Variants in BNIP2 observed in about 807,000 individuals in gnomAD.
BNIP2 encodes the protein BCL2/adenovirus E1B 19 kDa protein-interacting protein 2.
Under a neutral mutation model 43.4 loss-of-function variants are expected in BNIP2, and 36 were observed. The ratio of observed to expected loss-of-function variants is 0.83; its 90% CI spans 0.64 to 1.10. BNIP2 has a LOEUF of 1.10. Among genes scored for constraint, BNIP2 ranks in the 50% least tolerant of loss-of-function variants. The pLI is 0.00. For synonymous variants in BNIP2, 146 were observed against 121.0 expected (o/e 1.21, Z -1.35); for missense variants, 417 against 374.1 (o/e 1.11, Z -0.95).
At chr15:59,675,354 T>C (rs184967160) in intron 5 of BNIP2, among the ~76,000 whole-genome samples, 2 of 152,162 alleles carry the variant, frequency 1.3e-5, no homozygotes, top group Non-Finnish European at 2.9e-5. Context: ...CTCATGCCTG[T>C]AATCCCAGCA....
At position 59,682,531 on chromosome 15, in the gene BNIP2, A is replaced by G. The variant is rs779568240; in HGVS notation, c.-57-17T>C. The stretch of plus-strand genomic sequence containing the variant: ...GCCAATGTCCTATGAAGAGAGAAAA[A>G]TGTATAACTTAATTTCCACTTTACT... On this transcript the variant is annotated splice_polypyrimidine_tract_variant and intron_variant, in intron 1 of 9. Coordinates refer to ENST00000607373, the MANE Select transcript of BNIP2 (RefSeq NM_004330.4). 1.3e-6 allele frequency: 2 copies of G among 1,575,942 alleles called. No individual in the cohort carries two copies. The highest frequency in any genetic ancestry group is 2.3e-5 in the South Asian group (2 of 86,308).
chr15:59,685,068 C>G (rs1170510528), intron 1 of BNIP2, among the ~76,000 whole-genome samples: 1 of 152,194 alleles, frequency 6.6e-6, no homozygotes, highest in Non-Finnish European at 1.5e-5. Context: ...CTGTGGGAAA[C>G]TACACACCAG....
intron 1 of BNIP2, among the ~76,000 whole-genome samples, chr15:59,685,013 T>C (rs1406788565): frequency 2.0e-5 from 3 of 152,184 alleles, no homozygotes; most frequent in Non-Finnish European, 4.4e-5. Flanking sequence ...ACTACATGAA[T>C]AGGATTTGTC....
rs930270996 is a variant in BNIP2 at position 59,668,718 on chromosome 15, G to A, written c.893+174C>T. The A allele has an allele frequency of 1.1e-5, 6 of 538,836 alleles. No individual in the cohort carries two copies. The East Asian group carries it at 1.3e-4, about 11-fold the overall frequency. The allele number at this position is 538,836 out of a possible 1,614,324, so 33.4% of individuals were successfully genotyped here. On this transcript the variant is annotated intron_variant, in intron 9 of 9. Transcript: ENST00000607373. Reference sequence around the variant, plus strand: ...CCTGAAGAAAATGCTAACTTAGGGGGATGGTGTGGGAAAATGGCTTCTTCC... The same window carrying A: ...CCTGAAGAAAATGCTAACTTAGGGGAATGGTGTGGGAAAATGGCTTCTTCC...
intron 9 of BNIP2, among the ~76,000 whole-genome samples, chr15:59,666,588 A>T (rs544219191): frequency 1.3e-5 from 2 of 151,982 alleles, no homozygotes; most frequent in South Asian, 4.2e-4. Flanking sequence ...AATCGCTTGA[A>T]CCCGGGAGGC....
At chr15:59,666,414 C>T (rs1228476697) in intron 9 of BNIP2, among the ~76,000 whole-genome samples, 1 of 152,072 alleles carries the variant, frequency 6.6e-6, no homozygotes, top group East Asian at 1.9e-4. Context: ...CGCCTGTAAT[C>T]CCAGCACTTT....
Position 59,663,517 on chromosome 15 carries a change from G to A in BNIP2, c.*552C>T, listed in dbSNP as rs1425768814. 1 of 152,536 alleles carries A rather than the reference G, an allele frequency of 6.6e-6. No homozygotes were observed. Among genetic ancestry groups the A allele is most frequent in the East Asian group, 1.9e-4 (1 of 5,194 alleles). 9.4% of individuals were successfully genotyped at this position (152,536 alleles called of 1,614,324 possible). A position where few individuals can be genotyped will look rare whatever the true frequency, so the allele number is the denominator to read the frequency against. On this transcript the variant is annotated 3_prime_UTR_variant, in exon 10 of 10. Transcript: ENST00000607373. ...CTTCGATTATATACATGATCTTTGG[G>A]TATTCATGACAATCAGTTTAACCAT... is the stretch of plus-strand genomic sequence containing the variant.
chr15:59,682,726 G>A (rs368537126), intron 1 of BNIP2, among the ~76,000 whole-genome samples: 4 of 151,710 alleles, frequency 2.6e-5, no homozygotes, highest in African/African-American at 7.3e-5. Flanking sequence ...ACTGTTTATA[G>A]TAAGGATACT....
intron 5 of BNIP2, among the ~76,000 whole-genome samples, chr15:59,676,155 GA>G (rs1228416676): frequency 1.3e-5 from 2 of 151,964 alleles, no homozygotes; most frequent in Non-Finnish European, 2.9e-5. Flanking sequence ...GGGTAGCCTA[GA>G]GACAGTTTAA....
At chr15:59,678,450 T>C (rs1489020399) in intron 4 of BNIP2, 8 of 1,080,506 alleles carry the variant, frequency 7.4e-6, no homozygotes. Context: ...CAGTTATGAC[T>C]ATAGGTTACT....
At position 59,663,938 on chromosome 15, in the gene BNIP2, C is replaced by A; in HGVS notation, c.*131G>T. The A allele has an allele frequency of 2.8e-6, 2 of 705,720 alleles. No individual in the cohort carries two copies. The highest frequency in any genetic ancestry group is 4.4e-6 in the Non-Finnish European group (2 of 449,556). The allele number at this position is 705,720 out of a possible 1,614,324, so 43.7% of individuals were successfully genotyped here. A position where few individuals can be genotyped will look rare whatever the true frequency, so the allele number is the denominator to read the frequency against. On this transcript the variant is annotated 3_prime_UTR_variant, in exon 10 of 10. Coordinates refer to ENST00000607373, the MANE Select transcript of BNIP2 (RefSeq NM_004330.4). ...CAGTCCCTTGTATAATACAAAAGTCCATTATGAAAAAGTCAAGTCTATTTT... is the reference window on the plus strand; with the variant it reads ...CAGTCCCTTGTATAATACAAAAGTCAATTATGAAAAAGTCAAGTCTATTTT...
intron 9 of BNIP2, 77 bp from the exon 10 acceptor site, chr15:59,664,197 C>A: frequency 1.0e-6 from 1 of 959,064 alleles, no homozygotes; most frequent in South Asian, 1.7e-5. Context: ...ACTATTTTAG[C>A]ATAGAATATT....
chr15:59,680,372 T>G, intron 2 of BNIP2, 64 bp from the exon 3 acceptor site: 1 of 1,227,434 alleles, frequency 8.1e-7, no homozygotes, highest in Non-Finnish European at 1.1e-6. Context: ...TGAAGTTCAA[T>G]CTATTAAACA....
chr15:59,668,815 G>T (rs558459526), intron 9 of BNIP2, 77 bp downstream of exon 9: 2 of 1,196,822 alleles, frequency 1.7e-6, no homozygotes, highest in Non-Finnish European at 2.4e-6. Flanking sequence ...CATAAAGAAT[G>T]AGTATTGAAA....
At position 59,671,302 on chromosome 15, in the gene BNIP2, G is replaced by T. The variant is rs1376782941; in HGVS notation, c.588C>A (p.Gly196=). The T allele has an allele frequency of 6.3e-7, 1 of 1,588,462 alleles. No homozygotes were observed. The highest frequency in any genetic ancestry group is 1.3e-5 in the African/African-American group (1 of 74,588). The part of the protein sequence containing the change: ...LMDNLFKYVI[G]TLELLVAENY... ...TTTCTGCTACTAATAGCTCCAAAGTGCCAATAACATATCTGTAAAAAACAA... is the reference window on the plus strand; with the variant it reads ...TTTCTGCTACTAATAGCTCCAAAGTTCCAATAACATATCTGTAAAAAACAA... The change falls in exon 7 of 10, where the codon GGC becomes GGA. Residue 196 remains glycine (G), a synonymous_variant. Transcript: ENST00000607373.
intron 1 of BNIP2, among the ~76,000 whole-genome samples, chr15:59,684,479 G>A (rs1418286018): frequency 6.6e-6 from 1 of 152,140 alleles, no homozygotes; most frequent in African/African-American, 2.4e-5. Flanking sequence ...CCTCTGTTTA[G>A]AACAGAAATA....
chr15:59,678,367 G>A (rs1893444813), intron 4 of BNIP2: 1 of 1,139,066 alleles, frequency 8.8e-7, no homozygotes. Context: ...ATAATTTGTA[G>A]AGTCATCAAA....
intron 5 of BNIP2, among the ~76,000 whole-genome samples, chr15:59,674,990 C>T (rs1480818291): frequency 6.6e-6 from 1 of 152,164 alleles, no homozygotes; most frequent in Non-Finnish European, 1.5e-5. Context: ...GTGGCTCATG[C>T]CTGTAATCCC....
At chr15:59,668,102 CCT>C (rs1566955968) in intron 9 of BNIP2, 15 of 1,297,550 alleles carry the variant, frequency 1.2e-5, no homozygotes, top group Non-Finnish European at 1.4e-5. Flanking sequence ...TGTGCATATA[CCT>C]TTTTTGTTTC....
Sources: gnomAD v4.1 joint callset for allele counts (sites outside exome capture counted in the v4.1 genomes callset) on GRCh38, gnomAD v4.1.1 for gene constraint, MANE v1.5 for transcripts, NCBI Gene and HGNC (gene_info 2026-07-23, HGNC 2026-07-21) for gene names.